The following NCALD variants were observed in gnomAD, a reference collection of about 807,000 sequenced individuals.
The protein encoded by NCALD is neurocalcin-delta.
In NCALD, 10 loss-of-function variants were observed where a neutral mutation model predicts 18.6. That is an observed-to-expected ratio of 0.54 (90% CI 0.33 to 0.91). NCALD has a LOEUF of 0.91. NCALD is among the 40% of genes least tolerant of loss of function. The pLI is 0.03. For synonymous variants in NCALD, 88 were observed against 87.4 expected, an observed-to-expected ratio of 1.01 and a Z score of -0.04; for missense variants, 184 against 247.6, an observed-to-expected ratio of 0.74 and a Z score of 1.72.
chr8:101,815,769 A>G (rs1813473052), intron 4 of NCALD, among the ~76,000 whole-genome samples: 1 of 152,158 alleles, frequency 6.6e-6, no homozygotes, highest in African/African-American at 2.4e-5. Flanking sequence ...CTCTTAATAT[A>G]TGATCCAGCA....
chr8:101,881,323 T>C (rs887578893), intron 4 of NCALD, among the ~76,000 whole-genome samples: 2 of 152,326 alleles, frequency 1.3e-5, no homozygotes, highest in Middle Eastern at 3.4e-3. Flanking sequence ...ATTGAAGTAA[T>C]TTTGAAATAC....
Position 101,968,408 on chromosome 8 carries a change from G to T in NCALD, c.-157+51829C>A, listed in dbSNP as rs140944696. Reference sequence around the variant, plus strand: ...ACAAGCAGATCAATAGATAATTTTTGTGACAAATAGATTTTCCAGGCTGGA... The same window carrying T: ...ACAAGCAGATCAATAGATAATTTTTTTGACAAATAGATTTTCCAGGCTGGA... On this transcript the variant is annotated intron_variant, in intron 2 of 6. Transcript: ENST00000311028. Among the ~76,000 whole-genome samples, 644 of 152,186 alleles carry T rather than the reference G, an allele frequency of 4.2e-3. 4 individuals are homozygous for T. Among genetic ancestry groups the T allele is most frequent in the African/African-American group, 0.014 (596 of 41,528 alleles).
rs555587899 is a variant in NCALD, at chr8:101,736,583, A to G, written c.-19-16935T>C. Among the ~76,000 whole-genome samples, 489 of 152,300 alleles carry G rather than the reference A, an allele frequency of 3.2e-3. 5 individuals are homozygous for G. Among genetic ancestry groups the G allele is most frequent in the African/African-American group, 0.011 (460 of 41,554 alleles). ...ACAGAGTTAAACCTGGCCATGTCCG[A>G]CAAAAACACCACTTTCCAGGCCCAG... On this transcript the variant is annotated intron_variant, in intron 1 of 3. Coordinates refer to ENST00000220931, the MANE Select transcript of NCALD (RefSeq NM_032041.3).
chr8:101,869,640 A>G (rs1815923067), intron 4 of NCALD, among the ~76,000 whole-genome samples: 3 of 152,238 alleles, frequency 2.0e-5, no homozygotes, highest in African/African-American at 4.8e-5. Context: ...TGCAGGTTCC[A>G]TCTGCCTCTT....
At chr8:101,848,412 T>A (rs1303747119) in intron 4 of NCALD, among the ~76,000 whole-genome samples, 1 of 152,146 alleles carries the variant, frequency 6.6e-6, no homozygotes, top group Non-Finnish European at 1.5e-5. Flanking sequence ...GAGATCTAAG[T>A]TCTAGGTGAG....
chr8:101,713,936 C>T (rs1344417905), intron 2 of NCALD, among the ~76,000 whole-genome samples: 1 of 152,188 alleles, frequency 6.6e-6, no homozygotes, highest in Admixed American at 6.5e-5. Flanking sequence ...CAATAAAATT[C>T]AAAATCCCTT....
chr8:102,088,843 T>C (rs1322576898), intron 1 of NCALD, among the ~76,000 whole-genome samples: 3 of 152,250 alleles, frequency 2.0e-5, no homozygotes, highest in Admixed American at 1.3e-4. Flanking sequence ...TTGCATTATC[T>C]GACATTTTTG....
chr8:101,782,198 G>C (rs1325996395), intron 1 of NCALD, among the ~76,000 whole-genome samples: 1 of 151,350 alleles, frequency 6.6e-6, no homozygotes, highest in Non-Finnish European at 1.5e-5. Context: ...ATTTGGTTTG[G>C]AACTTATATG....
chr8:101,912,731 G>A (rs536019334), intron 3 of NCALD, among the ~76,000 whole-genome samples: 4 of 152,286 alleles, frequency 2.6e-5, no homozygotes, highest in East Asian at 1.9e-4. Context: ...ACACCCTCAG[G>A]TGATCCCCAC....
chr8:102,074,185 G>C (rs1473776545), intron 1 of NCALD, among the ~76,000 whole-genome samples: 3 of 152,184 alleles, frequency 2.0e-5, no homozygotes, highest in African/African-American at 7.2e-5. Flanking sequence ...GAAATGTACA[G>C]AGCCAGAAGC....
At chr8:101,694,848 G>A (rs950870774) in intron 2 of NCALD, among the ~76,000 whole-genome samples, 4 of 152,134 alleles carry the variant, frequency 2.6e-5, no homozygotes, top group Non-Finnish European at 5.9e-5. Flanking sequence ...CGGAGAGATG[G>A]AGCTGTTTTT....
At chr8:101,881,666 CAATT>C (rs1465790833) in intron 4 of NCALD, among the ~76,000 whole-genome samples, 3 of 151,720 alleles carry the variant, frequency 2.0e-5, no homozygotes, top group Non-Finnish European at 4.4e-5. Context: ...TCTTAAGAAA[CAATT>C]AAACCACTAA....
intron 1 of NCALD, among the ~76,000 whole-genome samples, chr8:102,120,822 C>T (rs1162512847): frequency 6.6e-6 from 1 of 152,122 alleles, no homozygotes; most frequent in East Asian, 1.9e-4. Context: ...CAATAAATGC[C>T]AATATCAATG....
intron 3 of NCALD, among the ~76,000 whole-genome samples, chr8:101,908,173 G>A (rs1238866514): frequency 6.6e-6 from 1 of 152,136 alleles, no homozygotes; most frequent in African/African-American, 2.4e-5. Flanking sequence ...ATTCAGCCCC[G>A]AATAGCATGG....
chr8:101,759,021 C>G (rs1258843712), intron 1 of NCALD, among the ~76,000 whole-genome samples: 1 of 152,160 alleles, frequency 6.6e-6, no homozygotes, highest in African/African-American at 2.4e-5. Context: ...CTTCATACAT[C>G]AATATTTTTA....
At chr8:101,882,371 C>A (rs1162478866) in intron 4 of NCALD, among the ~76,000 whole-genome samples, 5 of 152,028 alleles carry the variant, frequency 3.3e-5, no homozygotes, top group Non-Finnish European at 7.4e-5. Context: ...ATAAAAGAGA[C>A]CCCAGGGTCT....
intron 2 of NCALD, among the ~76,000 whole-genome samples, chr8:102,010,204 G>T (rs1186499105): frequency 3.3e-5 from 5 of 152,216 alleles, no homozygotes; most frequent in Admixed American, 3.3e-4. Context: ...TTGCCTCTTT[G>T]CACACAGCCC....
In NCALD at chr8:101,728,280, C is replaced by T. The variant is rs188991141; in HGVS notation, c.-19-8632G>A. 2.0e-5 allele frequency among the ~76,000 whole-genome samples: 3 copies of T among 151,698 alleles called. No homozygotes were observed. In the East Asian group the frequency reaches 5.8e-4, roughly 30 times the overall value. ...GGGAAAGATTTGCAGCCTTGCATTT[C>T]TGCGATTCCTCATAAGGTTCTGAAA... On this transcript the variant is annotated intron_variant, in intron 1 of 3. Coordinates refer to ENST00000220931, the MANE Select transcript of NCALD (RefSeq NM_032041.3).
At chr8:102,057,582 A>T (rs1263371398) in intron 1 of NCALD, among the ~76,000 whole-genome samples, 1 of 152,176 alleles carries the variant, frequency 6.6e-6, no homozygotes, top group Admixed American at 6.5e-5. Context: ...TTACATTTCC[A>T]CCTGCCTTGA....
Sources: allele counts gnomAD v4.1 joint callset (sites outside exome capture counted in the v4.1 genomes callset), GRCh38; gene constraint gnomAD v4.1.1; transcripts MANE v1.5; gene names NCBI Gene and HGNC (gene_info 2026-07-23, HGNC 2026-07-21).